The following EYA2 variants were observed in gnomAD, a reference collection of about 807,000 sequenced individuals.
EYA2 encodes the protein EYA transcriptional coactivator and phosphatase 2.
EYA2 carries 31 observed loss-of-function variants against 69.2 expected under a neutral mutation model. The ratio of observed to expected loss-of-function variants is 0.45; its 90% confidence interval spans 0.34 to 0.60. EYA2 has a LOEUF of 0.60. Among genes scored for constraint, EYA2 ranks in the 20% least tolerant of loss-of-function variants. The pLI, the probability that EYA2 is intolerant of heterozygous loss-of-function variation, is 0.02. For synonymous variants in EYA2, 257 were observed against 279.4 expected, an observed-to-expected ratio of 0.92 and a Z score of 0.80; for missense variants, 622 against 701.2, an observed-to-expected ratio of 0.89 and a Z score of 1.28.
chr20:47,179,956 C>A (rs764789029), intron 13 of EYA2, 44 bp downstream of exon 13: 18 of 1,433,700 alleles, frequency 1.3e-5, no homozygotes, highest in Non-Finnish European at 1.7e-5. Flanking sequence ...TGAACTTTCT[C>A]GCAGTAGACA....
At chr20:47,071,167 G>T (rs1476594123) in intron 5 of EYA2, among the ~76,000 whole-genome samples, 3 of 151,934 alleles carry the variant, frequency 2.0e-5, no homozygotes, top group Admixed American at 2.0e-4. Context: ...ACACCACCAC[G>T]CCTGGCTAAT....
intron 9 of EYA2, among the ~76,000 whole-genome samples, chr20:47,103,705 A>G (rs896394841): frequency 4.0e-5 from 6 of 151,804 alleles, no homozygotes; most frequent in Non-Finnish European, 5.9e-5. Context: ...AACCACCCCT[A>G]TGATCCAATC....
At chr20:46,911,491 C>T (rs1435549606) in intron 1 of EYA2, among the ~76,000 whole-genome samples, 4 of 152,084 alleles carry the variant, frequency 2.6e-5, no homozygotes, top group African/African-American at 7.3e-5. Flanking sequence ...ACTTGCCAAC[C>T]ATTGAGGCTG....
chr20:47,010,685 ATGTG>A (rs143651128), intron 4 of EYA2, among the ~76,000 whole-genome samples: 1 of 148,114 alleles, frequency 6.8e-6, no homozygotes. Context: ...ACATATATAT[ATGTG>A]TATGTGTACA....
At chr20:47,116,411 C>T (rs1269591067) in intron 9 of EYA2, among the ~76,000 whole-genome samples, 2 of 151,874 alleles carry the variant, frequency 1.3e-5, no homozygotes, top group African/African-American at 4.9e-5. Flanking sequence ...CTCCTGACCT[C>T]AGGTGATCCA....
intron 4 of EYA2, among the ~76,000 whole-genome samples, chr20:47,009,312 A>G (rs1222612591): frequency 6.6e-6 from 1 of 152,234 alleles, no homozygotes; most frequent in Non-Finnish European, 1.5e-5. Context: ...CATCGTCTGG[A>G]CAAACCTTGT....
At chr20:47,142,432 A>G (rs1210617519) in intron 9 of EYA2, among the ~76,000 whole-genome samples, 2 of 152,376 alleles carry the variant, frequency 1.3e-5, no homozygotes, top group Non-Finnish European at 2.9e-5. Context: ...TCTCTTGATG[A>G]CAGTTTCATA....
chr20:47,094,878 CA>C (rs2032199200), intron 8 of EYA2, among the ~76,000 whole-genome samples: 2 of 151,904 alleles, frequency 1.3e-5, no homozygotes, highest in South Asian at 4.2e-4. Context: ...AAAGAAAGAT[CA>C]AAAATTAGCC....
At chr20:47,155,573 G>T (rs1541256) in intron 10 of EYA2, among the ~76,000 whole-genome samples, 3,355 of 151,978 alleles carry the variant, frequency 0.022, 118 homozygotes, top group African/African-American at 0.072. Context: ...GGCACAGAGC[G>T]GTTCACTTGT....
intron 5 of EYA2, among the ~76,000 whole-genome samples, chr20:47,040,604 A>G (rs1260044974): frequency 1.3e-5 from 2 of 152,226 alleles, no homozygotes; most frequent in Non-Finnish European, 2.9e-5. Context: ...CAAGGAAAAT[A>G]ACAACCATAC....
chr20:46,917,103 A>G (rs1984944330), intron 1 of EYA2, among the ~76,000 whole-genome samples: 1 of 152,212 alleles, frequency 6.6e-6, no homozygotes, highest in Non-Finnish European at 1.5e-5. Context: ...TCAGGTGGGC[A>G]GCCTCCCCCC....
intron 4 of EYA2, among the ~76,000 whole-genome samples, chr20:47,013,713 G>T (rs1170644516): frequency 5.9e-5 from 9 of 152,216 alleles, no homozygotes; most frequent in Non-Finnish European, 1.5e-5. Flanking sequence ...GGAGGGGTGG[G>T]CAGAGCCCAT....
At chr20:46,923,806 A>G (rs1366629083) in intron 1 of EYA2, among the ~76,000 whole-genome samples, 1 of 152,338 alleles carries the variant, frequency 6.6e-6, no homozygotes, top group East Asian at 1.9e-4. Context: ...TACTGCCATC[A>G]CATAGGTCAG....
chr20:47,066,572 A>G (rs954118486), intron 5 of EYA2, among the ~76,000 whole-genome samples: 2 of 152,164 alleles, frequency 1.3e-5, no homozygotes, highest in Non-Finnish European at 2.9e-5. Context: ...GCTCAGCTGC[A>G]TATCCAAGAT....
intron 8 of EYA2, chr20:47,095,831 T>C (rs961522995): frequency 6.6e-6 from 1 of 152,138 alleles, no homozygotes; most frequent in Non-Finnish European, 1.5e-5. Context: ...AACTTAAGGA[T>C]GTATTCAAGC....
At chr20:47,077,041 G>T (rs2146482441) in intron 7 of EYA2, among the ~76,000 whole-genome samples, 1 of 152,334 alleles carries the variant, frequency 6.6e-6, no homozygotes, top group African/African-American at 2.4e-5. Flanking sequence ...GCCTACGGCT[G>T]GAGCTAGAGT....
intron 2 of EYA2, among the ~76,000 whole-genome samples, chr20:46,998,842 GT>G (rs1246741195): frequency 6.6e-6 from 1 of 152,204 alleles, no homozygotes; most frequent in Non-Finnish European, 1.5e-5. Flanking sequence ...AAAAGCCTGT[GT>G]TTTTTCAAAA....
intron 1 of EYA2, among the ~76,000 whole-genome samples, chr20:46,904,292 C>T (rs951159539): frequency 6.6e-6 from 1 of 151,654 alleles, no homozygotes; most frequent in Non-Finnish European, 1.5e-5. Flanking sequence ...GTATTATTAC[C>T]ACCCCCATTT....
At chr20:47,054,820 G>C (rs1205143651) in intron 5 of EYA2, among the ~76,000 whole-genome samples, 3 of 152,084 alleles carry the variant, frequency 2.0e-5, no homozygotes, top group Non-Finnish European at 4.4e-5. Context: ...ATTCAGTTTG[G>C]ACTCTCGCAC....
Sources: gnomAD v4.1 joint callset for allele counts (sites outside exome capture counted in the v4.1 genomes callset) on GRCh38, gnomAD v4.1.1 for gene constraint, MANE v1.5 for transcripts, NCBI Gene and HGNC (gene_info 2026-07-23, HGNC 2026-07-21) for gene names.